MTREX: variants seen among roughly 807,000 people sequenced by gnomAD.
MTREX encodes Mtr4 exosome RNA helicase, also known as exosome RNA helicase MTR4.
Under a neutral mutation model 135.4 loss-of-function variants are expected in MTREX, and 76 were observed. The ratio of observed to expected loss-of-function variants is 0.56; its 90% CI spans 0.47 to 0.68. The LOEUF is 0.68. MTREX is among the 30% of genes least tolerant of loss of function. The probability of loss-of-function intolerance (pLI) is 0.00; values close to 1 mark genes in which losing one functional copy is unlikely to be tolerated. For synonymous variants in MTREX, 404 were observed against 401.6 expected (o/e 1.01, Z -0.07); for missense variants, 920 against 1,262.1 (o/e 0.73, Z 4.11).
chr5:55,329,209 A>ATT (rs113973461), intron 5 of MTREX: 16 of 149,838 alleles, frequency 1.1e-4, no homozygotes, highest in East Asian at 3.9e-4. Context: ...TATTGACATG[A>ATT]TTTTTTTTTT....
At position 55,414,243 on chromosome 5, in the gene MTREX, GGT is replaced by G. The variant is rs1750930959; in HGVS notation, c.2808+6_2808+7del. The G allele has an allele frequency of 6.8e-7, 1 of 1,470,448 alleles. No homozygotes were observed. The highest frequency in any genetic ancestry group is 1.5e-5 in the African/African-American group (1 of 65,116). 91.1% of individuals were successfully genotyped at this position (1,470,448 alleles called of 1,614,324 possible). A position where few individuals can be genotyped will look rare whatever the true frequency, so the allele number is the denominator to read the frequency against. On this transcript the variant is annotated splice_donor_region_variant and intron_variant, in intron 24 of 26. Transcript: ENST00000230640. ...GGACCACTTCGTCAAATGCAGGTAA[GGT>G]TTTTTTTTTTTTTTTTTGAACTACA...
intron 14 of MTREX, among the ~76,000 whole-genome samples, chr5:55,354,180 G>A (rs985581415): frequency 3.9e-5 from 6 of 152,144 alleles, no homozygotes; most frequent in African/African-American, 7.2e-5. Flanking sequence ...ATCCAGACTC[G>A]TTTCTCTTGA....
At chr5:55,343,304 T>G (rs1400421139) in intron 7 of MTREX, 27 bp from the exon 8 acceptor site, 1 of 1,587,362 alleles carries the variant, frequency 6.3e-7, no homozygotes, top group Non-Finnish European at 8.6e-7. Context: ...CCAACTATAG[T>G]CCAAAGTATA....
At chr5:55,341,800 G>T (rs750330787) in intron 7 of MTREX, 29 bp downstream of exon 7, 26 of 1,069,532 alleles carry the variant, frequency 2.4e-5, no homozygotes, top group Non-Finnish European at 3.0e-5. Flanking sequence ...TGTATATCAT[G>T]TATTTCCCTT....
rs1442017756 is a variant in MTREX, at chr5:55,405,608, C to G, written c.2645+20C>G. ...AAGCAGGTAAAATCTGGTTATTGTT[C>G]TAGAAAGTTCATTTTTTTTTTCATT... On this transcript the variant is annotated intron_variant, in intron 22 of 26. Coordinates refer to ENST00000230640, the MANE Select transcript of MTREX (RefSeq NM_015360.5). 4 of 1,544,856 alleles carry G rather than the reference C, an allele frequency of 2.6e-6. No homozygotes were observed. The highest frequency in any genetic ancestry group is 2.6e-6 in the Non-Finnish European group (3 of 1,145,994).
intron 1 of MTREX, among the ~76,000 whole-genome samples, chr5:55,308,830 T>C (rs1749037883): frequency 6.6e-6 from 1 of 152,190 alleles, no homozygotes; most frequent in Non-Finnish European, 1.5e-5. Context: ...AGCTATTACT[T>C]GTATTAAATA....
intron 19 of MTREX, among the ~76,000 whole-genome samples, chr5:55,391,227 G>A (rs922164280): frequency 6.6e-6 from 1 of 152,066 alleles, no homozygotes; most frequent in African/African-American, 2.4e-5. Context: ...GATTGCTTGA[G>A]CCCAGGAGTT....
intron 3 of MTREX, among the ~76,000 whole-genome samples, chr5:55,326,059 T>A (rs1209494572): frequency 6.6e-6 from 1 of 152,170 alleles, no homozygotes; most frequent in East Asian, 1.9e-4. Context: ...TTATTCAAGA[T>A]ATGTTAGACC....
intron 14 of MTREX, among the ~76,000 whole-genome samples, chr5:55,354,213 G>A (rs1336331987): frequency 1.3e-5 from 2 of 152,194 alleles, no homozygotes; most frequent in Non-Finnish European, 2.9e-5. Context: ...AAAATGTTAT[G>A]CTGTAAACAC....
At chr5:55,333,261 C>G (rs959501873) in intron 5 of MTREX, among the ~76,000 whole-genome samples, 1 of 152,126 alleles carries the variant, frequency 6.6e-6, no homozygotes, top group Non-Finnish European at 1.5e-5. Context: ...CTTTCTCAGC[C>G]TTAAACACAT....
chr5:55,401,164 A>T (rs1274329297), intron 21 of MTREX, among the ~76,000 whole-genome samples: 1 of 152,044 alleles, frequency 6.6e-6, no homozygotes, highest in Non-Finnish European at 1.5e-5. Context: ...CCTCCCTAGT[A>T]GCTGGGATTA....
At chr5:55,404,103 CTCTGAATAAATATCAG>C (rs1486103310) in intron 21 of MTREX, among the ~76,000 whole-genome samples, 1 of 152,198 alleles carries the variant, frequency 6.6e-6, no homozygotes, top group African/African-American at 2.4e-5. Context: ...CATTGGTAGT[CTCTGAATAAATATCAG>C]TTGCTGATCA....
chr5:55,354,236 T>C (rs1373302466), intron 14 of MTREX, among the ~76,000 whole-genome samples: 3 of 152,282 alleles, frequency 2.0e-5, no homozygotes, highest in East Asian at 3.9e-4. Flanking sequence ...TTGAGAAGTA[T>C]GTTCAGGGAT....
chr5:55,351,879 C>CA (rs1749834249), intron 13 of MTREX, among the ~76,000 whole-genome samples: 1 of 147,826 alleles, frequency 6.8e-6, no homozygotes, highest in African/African-American at 2.5e-5. Context: ...CTTGCTCTGT[C>CA]ACCCAGGTTG....
At chr5:55,347,434 G>A (rs1292013448) in intron 11 of MTREX, among the ~76,000 whole-genome samples, 2 of 152,094 alleles carry the variant, frequency 1.3e-5, no homozygotes, top group African/African-American at 4.8e-5. Flanking sequence ...AAACTCCTCA[G>A]TTATTGTGGC....
intron 5 of MTREX, among the ~76,000 whole-genome samples, chr5:55,337,313 T>A (rs1749569709): frequency 1.3e-5 from 2 of 151,958 alleles, no homozygotes; most frequent in South Asian, 2.1e-4. Flanking sequence ...TATTTATTTA[T>A]TTTTAATTTA....
At chr5:55,402,041 A>G (rs1475518373) in intron 21 of MTREX, among the ~76,000 whole-genome samples, 2 of 152,230 alleles carry the variant, frequency 1.3e-5, no homozygotes, top group Non-Finnish European at 2.9e-5. Context: ...TATAAAGTAA[A>G]TGCCCAGTGT....
intron 25 of MTREX, among the ~76,000 whole-genome samples, chr5:55,419,006 G>A (rs1751015177): frequency 6.6e-6 from 1 of 152,058 alleles, no homozygotes; most frequent in Non-Finnish European, 1.5e-5. Flanking sequence ...ACCATGCCCA[G>A]CTAATTTTTG....
chr5:55,418,031 G>A (rs1053151135), intron 25 of MTREX, among the ~76,000 whole-genome samples: 2 of 151,282 alleles, frequency 1.3e-5, no homozygotes, highest in Non-Finnish European at 3.0e-5. Flanking sequence ...TCAGGAAATC[G>A]AGACCATCCT....
Sources: allele counts gnomAD v4.1 joint callset (sites outside exome capture counted in the v4.1 genomes callset), GRCh38; gene constraint gnomAD v4.1.1; transcripts MANE v1.5; gene names NCBI Gene and HGNC (gene_info 2026-07-23, HGNC 2026-07-21).